Variants in CCDC171 observed in about 807,000 individuals in gnomAD.
CCDC171 encodes coiled-coil domain-containing protein 171.
A neutral mutation model predicts 168.2 loss-of-function variants in CCDC171; 177 were observed. The observed-to-expected ratio is 1.05, with a 90% CI of 0.93 to 1.19. The LOEUF is 1.19. Among genes scored for constraint, CCDC171 ranks in the 50% most tolerant of loss-of-function variants. The probability of loss-of-function intolerance (pLI) is 0.00; values close to 1 mark genes in which losing one functional copy is unlikely to be tolerated. For missense variants in CCDC171, 1,991 were observed against 1,539.0 expected, an observed-to-expected ratio of 1.29 and a Z score of -4.91; for synonymous variants, 687 against 540.8, an observed-to-expected ratio of 1.27 and a Z score of -3.75.
chr9:15,717,556 T>C (rs2134129467), intron 11 of CCDC171, among the ~76,000 whole-genome samples: 1 of 152,260 alleles, frequency 6.6e-6, no homozygotes, highest in South Asian at 2.1e-4. Context: ...GCAGCACAGC[T>C]CACAGCTCTG....
chr9:15,944,833 C>CT (rs1554691550), intron 25 of CCDC171, among the ~76,000 whole-genome samples: 1 of 48,380 alleles, frequency 2.1e-5, no homozygotes, highest in African/African-American at 7.1e-5. Flanking sequence ...CTTTTTCTTT[C>CT]TTTTTTCTTT....
At chr9:15,837,947 T>A (rs1009148705) in intron 21 of CCDC171, among the ~76,000 whole-genome samples, 2 of 152,194 alleles carry the variant, frequency 1.3e-5, no homozygotes, top group Non-Finnish European at 2.9e-5. Flanking sequence ...CGAAAACATT[T>A]TAAAACCATA....
chr9:15,664,449 A>G (rs1051886342), intron 8 of CCDC171, among the ~76,000 whole-genome samples: 1 of 151,784 alleles, frequency 6.6e-6, no homozygotes, highest in Non-Finnish European at 1.5e-5. Context: ...GGGTTTCACC[A>G]TGTTTCCCAG....
intron 18 of CCDC171, among the ~76,000 whole-genome samples, chr9:15,765,280 T>A (rs1376976139): frequency 1.3e-5 from 2 of 152,088 alleles, no homozygotes; most frequent in African/African-American, 2.4e-5. Context: ...GGAGCAATAT[T>A]TAGGGGTCAA....
chr9:15,920,850 C>G (rs1825221910), intron 25 of CCDC171, among the ~76,000 whole-genome samples: 1 of 151,502 alleles, frequency 6.6e-6, no homozygotes, highest in Non-Finnish European at 1.5e-5. Context: ...ATAATACATG[C>G]CTAGCTAAAG....
intron 11 of CCDC171, among the ~76,000 whole-genome samples, chr9:15,700,092 G>C (rs1457954913): frequency 6.6e-6 from 1 of 152,200 alleles, no homozygotes; most frequent in South Asian, 2.1e-4. Context: ...CGTGGAGCAG[G>C]GGGCAGTGCT....
chr9:15,770,136 A>C (rs1278899967), intron 18 of CCDC171, among the ~76,000 whole-genome samples: 2 of 152,244 alleles, frequency 1.3e-5, no homozygotes, highest in East Asian at 1.9e-4. Flanking sequence ...TATTTGTAGC[A>C]GTAAATACTA....
At chr9:15,977,376 G>T (rs752888357), downstream of CCDC171, among the ~76,000 whole-genome samples, 19 of 152,288 alleles carry the variant, frequency 1.2e-4, no homozygotes, top group Non-Finnish European at 2.2e-4. Flanking sequence ...ATACCTAATT[G>T]ATACCACATA....
rs1463994617 is a variant in CCDC171, at chr9:15,819,146, G to C, written c.3268-27556G>C. ...TCCTTTACAGACAAGCAAATGCTGA[G>C]AGATTTTGTCATCACCAGGCCTGCC... On this transcript the variant is annotated intron_variant, in intron 21 of 25. Coordinates refer to ENST00000380701, the MANE Select transcript of CCDC171 (RefSeq NM_173550.4). Among the ~76,000 whole-genome samples the C allele has an allele frequency of 2.6e-5, 3 of 117,560 alleles. 1 individual carries two copies. The highest frequency in any genetic ancestry group is 5.7e-5 in the Non-Finnish European group (3 of 52,398). The allele number at this position is 117,560 out of a possible 152,430, so 77.1% of individuals were successfully genotyped here.
intron 21 of CCDC171, among the ~76,000 whole-genome samples, chr9:15,792,518 T>C (rs1463030944): frequency 1.3e-5 from 2 of 152,170 alleles, no homozygotes; most frequent in African/African-American, 4.8e-5. Flanking sequence ...AGACACATAA[T>C]TGTCAGATTC....
intron 9 of CCDC171, among the ~76,000 whole-genome samples, chr9:15,676,519 T>C (rs1004092677): frequency 3.9e-5 from 6 of 152,026 alleles, no homozygotes; most frequent in Non-Finnish European, 8.8e-5. Context: ...TATTTGGCCA[T>C]CTTGGAAGCG....
intron 2 of CCDC171, among the ~76,000 whole-genome samples, chr9:15,564,798 T>C (rs1038345748): frequency 1.3e-5 from 2 of 152,256 alleles, no homozygotes; most frequent in African/African-American, 4.8e-5. Context: ...TTAGAAACTT[T>C]TATAGTCATG....
intron 11 of CCDC171, among the ~76,000 whole-genome samples, chr9:15,698,992 T>A (rs912359045): frequency 6.6e-6 from 1 of 152,200 alleles, no homozygotes; most frequent in African/African-American, 2.4e-5. Flanking sequence ...TGGATAAATA[T>A]CTGTAGTGGG....
At chr9:16,086,740 C>A in the CCDC171 span, among the ~76,000 whole-genome samples, 1 of 152,000 alleles carries the variant, frequency 6.6e-6, no homozygotes, top group Non-Finnish European at 1.5e-5. Context: ...TTAGTTATTT[C>A]TTGTCTTCTG....
At chr9:15,993,551 A>G (rs930277539) in intron 3 of CCDC171, among the ~76,000 whole-genome samples, 3 of 152,308 alleles carry the variant, frequency 2.0e-5, no homozygotes, top group East Asian at 1.9e-4. Context: ...CTTCATGTCT[A>G]AAACACCAAA....
At chr9:15,643,067 T>A (rs4741527) in intron 7 of CCDC171, among the ~76,000 whole-genome samples, 66,547 of 151,594 alleles carry the variant, frequency 0.44, 15,540 homozygotes, top group East Asian at 0.76. Flanking sequence ...GCTTTTTTTT[T>A]AAAAAAATTT....
At chr9:15,862,630 G>GA (rs35789508) in intron 23 of CCDC171, among the ~76,000 whole-genome samples, 12,827 of 142,984 alleles carry the variant, frequency 0.09, 736 homozygotes, top group South Asian at 0.22. Flanking sequence ...GCATTAAGGA[G>GA]AAAAAAAAAA....
intron 10 of CCDC171, among the ~76,000 whole-genome samples, chr9:15,692,961 A>G (rs1351286838): frequency 1.3e-5 from 2 of 150,980 alleles, no homozygotes; most frequent in Non-Finnish European, 3.0e-5. Flanking sequence ...ACATGGTGAA[A>G]CCCCTTCTCT....
chr9:15,894,949 G>A (rs1051825479), intron 24 of CCDC171, among the ~76,000 whole-genome samples: 21 of 152,078 alleles, frequency 1.4e-4, no homozygotes, highest in African/African-American at 7.2e-5. Context: ...CATAATGGGT[G>A]CTCAATAATA....
Sources: allele counts gnomAD v4.1 joint callset (sites outside exome capture counted in the v4.1 genomes callset), GRCh38; gene constraint gnomAD v4.1.1; transcripts MANE v1.5; gene names NCBI Gene and HGNC (gene_info 2026-07-23, HGNC 2026-07-21).